The following JAM2 variants were observed in gnomAD, a reference collection of about 807,000 sequenced individuals.
JAM2 encodes the protein junctional adhesion molecule 2.
In JAM2, 17 loss-of-function variants were observed where a neutral mutation model predicts 42.0. That is an observed-to-expected ratio of 0.40 (90% confidence interval 0.28 to 0.61). The LOEUF is 0.61. Among genes scored for constraint, JAM2 ranks in the 20% least tolerant of loss-of-function variants. The pLI is 0.37. For missense variants in JAM2, 319 were observed against 358.3 expected (o/e 0.89, Z 0.89); for synonymous variants, 118 against 128.6 (o/e 0.92, Z 0.56).
intron 8 of JAM2, among the ~76,000 whole-genome samples, chr21:25,710,577 C>T (rs1321381806): frequency 2.6e-5 from 4 of 152,092 alleles, no homozygotes; most frequent in Admixed American, 2.0e-4. Context: ...ATGAGAAGAG[C>T]GTTCAGGCAG....
At chr21:25,680,616 A>G (rs1008301401) in intron 1 of JAM2, among the ~76,000 whole-genome samples, 1 of 152,268 alleles carries the variant, frequency 6.6e-6, no homozygotes, top group Non-Finnish European at 1.5e-5. Context: ...ACAGATGTCC[A>G]GCAGAAAGCT....
chr21:25,650,401 C>T (rs1306940068), intron 1 of JAM2, among the ~76,000 whole-genome samples: 1 of 152,122 alleles, frequency 6.6e-6, no homozygotes, highest in Non-Finnish European at 1.5e-5. Context: ...ATTGTCTCTG[C>T]CAAGAATCTC....
chr21:25,679,159 G>C (rs1038350364), intron 1 of JAM2, among the ~76,000 whole-genome samples: 4 of 152,210 alleles, frequency 2.6e-5, no homozygotes, highest in Admixed American at 2.6e-4. Context: ...TGCTCCTTAA[G>C]AGTGATAAAA....
intron 8 of JAM2, chr21:25,709,656 T>TA (rs963159750): frequency 1.8e-5 from 7 of 398,916 alleles, no homozygotes; most frequent in African/African-American, 1.4e-4. Context: ...TAGTTTATTG[T>TA]AAAAAGAGGT....
chr21:25,709,944 C>T (rs1242170423), intron 8 of JAM2: 1 of 152,568 alleles, frequency 6.6e-6, no homozygotes, highest in Non-Finnish European at 1.5e-5. Context: ...TCCAACAAAC[C>T]CCACCTCCAA....
intron 1 of JAM2, among the ~76,000 whole-genome samples, chr21:25,641,310 A>G (rs2032434501): frequency 1.3e-5 from 2 of 152,136 alleles, no homozygotes; most frequent in African/African-American, 4.8e-5. Flanking sequence ...TCACTAATTA[A>G]AAACAGAAAA....
At chr21:25,676,286 C>CAAAAA (rs397958040) in intron 1 of JAM2, among the ~76,000 whole-genome samples, 2 of 61,234 alleles carry the variant, frequency 3.3e-5, no homozygotes, top group African/African-American at 6.1e-5. Context: ...AGACTCGTCT[C>CAAAAA]AAAAAAAAAA....
chr21:25,708,824 A>G (rs1015871437), intron 7 of JAM2, among the ~76,000 whole-genome samples: 1 of 152,106 alleles, frequency 6.6e-6, no homozygotes, highest in Non-Finnish European at 1.5e-5. Flanking sequence ...TTAAAAGTTG[A>G]CTTGAATATT....
chr21:25,650,580 G>GTTTTAATA (rs1436472598), intron 1 of JAM2, among the ~76,000 whole-genome samples: 1 of 152,124 alleles, frequency 6.6e-6, no homozygotes, highest in African/African-American at 2.4e-5. Flanking sequence ...TCTTAAAAGA[G>GTTTTAATA]GATATGTCCT....
intron 1 of JAM2, among the ~76,000 whole-genome samples, chr21:25,642,297 C>T (rs1292898018): frequency 6.6e-6 from 1 of 151,582 alleles, no homozygotes; most frequent in Non-Finnish European, 1.5e-5. Flanking sequence ...GGAGATGGGT[C>T]TCTCCCTTCC....
At chr21:25,680,327 T>A (rs1221235380) in intron 1 of JAM2, among the ~76,000 whole-genome samples, 2 of 152,198 alleles carry the variant, frequency 1.3e-5, no homozygotes, top group Non-Finnish European at 2.9e-5. Context: ...CCCTGAGCAC[T>A]TTGTGGCATA....
At chr21:25,667,170 T>C (rs905837201) in intron 1 of JAM2, among the ~76,000 whole-genome samples, 1 of 152,212 alleles carries the variant, frequency 6.6e-6, no homozygotes, top group South Asian at 2.1e-4. Flanking sequence ...ACAATTCACC[T>C]GGGATGGGAA....
rs1366635037 is a variant in JAM2, at chr21:25,702,258, G to A, written c.686G>A (p.Arg229Gln). 1.3e-6 allele frequency: 2 copies of A among 1,591,052 alleles called. No individual in the cohort carries two copies. Among genetic ancestry groups the A allele is most frequent in the South Asian group, 1.1e-5 (1 of 88,746 alleles). Residue 229 changes from arginine to glutamine, a missense_variant, in exon 6 of 10, where the codon CGA (arginine) becomes CAA (glutamine). Transcript: ENST00000480456. ...GGATATCGCAGGTGTCCTGGGAAAC[G>A]AATGCAAGTAGGTAAGCATGAAATA... ...SVGYRRCPGK[R>Q]MQVDDLNISG...
chr21:25,664,669 A>G (rs553254056), intron 1 of JAM2, among the ~76,000 whole-genome samples: 58 of 152,146 alleles, frequency 3.8e-4, no homozygotes, highest in Admixed American at 5.9e-4. Context: ...TATTTCTCCA[A>G]TTGCCTCTTC....
intron 8 of JAM2, among the ~76,000 whole-genome samples, chr21:25,710,532 T>C (rs534117969): frequency 5.6e-4 from 86 of 152,218 alleles, no homozygotes; most frequent in Non-Finnish European, 8.4e-4. Flanking sequence ...GAGAAAGGCC[T>C]GAAGAGGGTG....
At chr21:25,691,705 A>T (rs540992895) in intron 3 of JAM2, among the ~76,000 whole-genome samples, 1 of 152,274 alleles carries the variant, frequency 6.6e-6, no homozygotes, top group South Asian at 2.1e-4. Flanking sequence ...TAGAAAGGGA[A>T]TGAGGCAAGC....
chr21:25,704,655 G>A lies in JAM2; in HGVS notation c.698-1324G>A, dbSNP rs73335968. Reference sequence around the variant, plus strand: ...AGAATTGCTCCTTTAATAAATACATGGGAAGTATCTAAATGGCAGAAGAGT... The same window carrying A: ...AGAATTGCTCCTTTAATAAATACATAGGAAGTATCTAAATGGCAGAAGAGT... On this transcript the variant is annotated intron_variant, in intron 6 of 9. Transcript: ENST00000480456. 7.8e-3 allele frequency among the ~76,000 whole-genome samples: 1,186 copies of A among 152,270 alleles called. 14 individuals are homozygous for A. Among genetic ancestry groups the A allele is most frequent in the African/African-American group, 0.026 (1,082 of 41,546 alleles).
intron 1 of JAM2, among the ~76,000 whole-genome samples, chr21:25,673,993 C>T (rs934703546): frequency 1.3e-5 from 2 of 152,330 alleles, no homozygotes; most frequent in East Asian, 1.9e-4. Context: ...CTCTCATTCT[C>T]TCTTGACTGC....
rs548493925 is a variant in JAM2 at position 25,691,387 on chromosome 21, T to C, written c.241+1414T>C. Reference sequence around the variant, plus strand: ...ATTTATTTGAGCCATTGTACCTGCCTAATTTTTACATTTTTTTAAAGAGAT... The same window carrying C: ...ATTTATTTGAGCCATTGTACCTGCCCAATTTTTACATTTTTTTAAAGAGAT... On this transcript the variant is annotated intron_variant, in intron 3 of 9. Transcript: ENST00000480456. Among the ~76,000 whole-genome samples the C allele has an allele frequency of 1.1e-3, 172 of 152,336 alleles. 1 individual carries two copies. Among genetic ancestry groups the C allele is most frequent in the African/African-American group, 3.8e-3 (160 of 41,566 alleles).
Sources: allele counts gnomAD v4.1 joint callset (sites outside exome capture counted in the v4.1 genomes callset), GRCh38; gene constraint gnomAD v4.1.1; transcripts MANE v1.5; gene names NCBI Gene and HGNC (gene_info 2026-07-23, HGNC 2026-07-21).